FOXP1: variants seen among roughly 807,000 people sequenced by gnomAD.
The protein encoded by FOXP1 is forkhead box protein P1.
Under a neutral mutation model 98.2 loss-of-function variants are expected in FOXP1, and 15 were observed. The observed-to-expected ratio is 0.15, with a 90% confidence interval of 0.10 to 0.24. The LOEUF is 0.24. Ranked by LOEUF, FOXP1 falls within the 10% of genes least tolerant of loss-of-function variation. The pLI, the probability that FOXP1 is intolerant of heterozygous loss-of-function variation, is 1.00. For missense variants in FOXP1, 633 were observed against 848.5 expected (o/e 0.75, Z 3.15); for synonymous variants, 371 against 314.5 (o/e 1.18, Z -1.90).
chr3:70,972,349 A>G (rs1421859190), intron 18 of FOXP1: 2 of 875,642 alleles, frequency 2.3e-6, no homozygotes, highest in African/African-American at 3.4e-5. Context: ...AGCTACTAGC[A>G]TGTGATGCAA....
At chr3:71,355,660 C>T (rs143244395) in intron 4 of FOXP1, among the ~76,000 whole-genome samples, 1 of 152,316 alleles carries the variant, frequency 6.6e-6, no homozygotes, top group Non-Finnish European at 1.5e-5. Context: ...CTTCAAGCCA[C>T]TATCTCCACA....
chr3:71,008,328 A>C (rs1379708723), intron 12 of FOXP1, among the ~76,000 whole-genome samples: 1 of 152,208 alleles, frequency 6.6e-6, no homozygotes, highest in Admixed American at 6.6e-5. Flanking sequence ...CCACGTTTTT[A>C]CTAGTGAAGA....
At chr3:71,501,904 C>T (rs1241422041) in intron 2 of FOXP1, among the ~76,000 whole-genome samples, 2 of 152,136 alleles carry the variant, frequency 1.3e-5, no homozygotes, top group Admixed American at 6.5e-5. Flanking sequence ...CCTGTTCAAG[C>T]TCTTTGGTTT....
At chr3:71,444,321 G>T (rs1265987671) in intron 3 of FOXP1, among the ~76,000 whole-genome samples, 1 of 151,862 alleles carries the variant, frequency 6.6e-6, no homozygotes, top group Non-Finnish European at 1.5e-5. Context: ...GTACAGACAG[G>T]TTCTACAATG....
At chr3:71,086,861 C>T (rs950402397) in intron 7 of FOXP1, among the ~76,000 whole-genome samples, 1 of 152,224 alleles carries the variant, frequency 6.6e-6, no homozygotes, top group Non-Finnish European at 1.5e-5. Flanking sequence ...GCTACCTCTT[C>T]GTCCTGCACT....
intron 2 of FOXP1, among the ~76,000 whole-genome samples, chr3:71,543,023 T>C (rs2107621856): frequency 6.6e-6 from 1 of 152,314 alleles, no homozygotes; most frequent in South Asian, 2.1e-4. Flanking sequence ...CGCACAATAC[T>C]GACATAACAT....
intron 6 of FOXP1, among the ~76,000 whole-genome samples, chr3:71,141,477 G>A (rs1487000986): frequency 6.6e-6 from 1 of 152,014 alleles, no homozygotes; most frequent in East Asian, 1.9e-4. Context: ...AACAATAAAC[G>A]CTTAAGCAGT....
intron 6 of FOXP1, among the ~76,000 whole-genome samples, chr3:71,133,327 CATA>C (rs2059663052): frequency 6.6e-6 from 1 of 152,108 alleles, no homozygotes; most frequent in African/African-American, 2.4e-5. Flanking sequence ...TTAAAAACCT[CATA>C]ATAACATCAT....
chr3:71,368,364 T>C (rs893904352), intron 3 of FOXP1, among the ~76,000 whole-genome samples: 3 of 152,130 alleles, frequency 2.0e-5, no homozygotes, highest in Non-Finnish European at 2.9e-5. Flanking sequence ...TGACCTCAAG[T>C]GATCCGCCTG....
intron 3 of FOXP1, among the ~76,000 whole-genome samples, chr3:71,457,338 T>C (rs941166258): frequency 3.9e-5 from 6 of 152,164 alleles, no homozygotes; most frequent in Admixed American, 6.5e-5. Flanking sequence ...CTAGGTAAAT[T>C]ACAATTACTG....
chr3:71,348,489 TG>T (rs2077511814), intron 4 of FOXP1, among the ~76,000 whole-genome samples: 1 of 149,908 alleles, frequency 6.7e-6, no homozygotes, highest in Non-Finnish European at 1.5e-5. Context: ...ACCTCCCAGG[TG>T]CCAGTTGCTG....
At chr3:71,108,613 A>C (rs1301438625) in intron 7 of FOXP1, among the ~76,000 whole-genome samples, 1 of 152,150 alleles carries the variant, frequency 6.6e-6, no homozygotes. Context: ...TAAAATTACA[A>C]AAATTATCTG....
chr3:71,262,266 A>G (rs1025589285), intron 5 of FOXP1, among the ~76,000 whole-genome samples: 32 of 32,892 alleles, frequency 9.7e-4, no homozygotes, highest in African/African-American at 6.2e-3. Flanking sequence ...CTCTGTCACA[A>G]AAAAAAAAAA....
intron 3 of FOXP1, among the ~76,000 whole-genome samples, chr3:71,484,316 TTC>T (rs1268891380): frequency 2.0e-5 from 3 of 152,196 alleles, no homozygotes; most frequent in Non-Finnish European, 2.9e-5. Flanking sequence ...GATGACAGAA[TTC>T]TTTTTCAAAC....
At chr3:71,154,977 T>C (rs998668603) in intron 6 of FOXP1, among the ~76,000 whole-genome samples, 1 of 152,206 alleles carries the variant, frequency 6.6e-6, no homozygotes, top group Non-Finnish European at 1.5e-5. Context: ...AAATGTCTCA[T>C]AATATTACTG....
At chr3:71,147,595 C>T (rs1174729952) in intron 6 of FOXP1, among the ~76,000 whole-genome samples, 1 of 152,134 alleles carries the variant, frequency 6.6e-6, no homozygotes, top group African/African-American at 2.4e-5. Flanking sequence ...AAATATTATG[C>T]TTATTGATTT....
chr3:71,400,253 A>G (rs1256253752), intron 3 of FOXP1, among the ~76,000 whole-genome samples: 2 of 152,220 alleles, frequency 1.3e-5, no homozygotes, highest in African/African-American at 4.8e-5. Context: ...CATGAATGCA[A>G]TGAAACCAAT....
chr3:71,579,326 C>G (rs1319483501), intron 2 of FOXP1, among the ~76,000 whole-genome samples: 1 of 152,072 alleles, frequency 6.6e-6, no homozygotes, highest in Non-Finnish European at 1.5e-5. Context: ...TTATCTGAGA[C>G]AGTTAATTTG....
chr3:71,214,076 T>C (rs2064722722), intron 5 of FOXP1, among the ~76,000 whole-genome samples: 1 of 150,522 alleles, frequency 6.6e-6, no homozygotes, highest in African/African-American at 2.4e-5. Context: ...CAGAAGCTGG[T>C]GATAAAGCGT....
Sources: gnomAD v4.1 joint callset for allele counts (sites outside exome capture counted in the v4.1 genomes callset) on GRCh38, gnomAD v4.1.1 for gene constraint, MANE v1.5 for transcripts, NCBI Gene and HGNC (gene_info 2026-07-23, HGNC 2026-07-21) for gene names.